The following PARP9 variants were observed in gnomAD, a reference collection of about 807,000 sequenced individuals.
The protein encoded by PARP9 is poly(ADP-ribose) polymerase family member 9, also known as protein mono-ADP-ribosyltransferase PARP9.
In PARP9, 48 loss-of-function variants were observed where a neutral mutation model predicts 68.8. The ratio of observed to expected loss-of-function variants is 0.70; its 90% CI spans 0.55 to 0.89. The LOEUF is 0.89. Among genes scored for constraint, PARP9 ranks in the 40% least tolerant of loss-of-function variants. The pLI is 0.00. For missense variants in PARP9, 806 were observed against 969.3 expected (o/e 0.83, Z 2.24); for synonymous variants, 309 against 333.8 (o/e 0.93, Z 0.81).
intron 10 of PARP9, among the ~76,000 whole-genome samples, chr3:122,531,163 T>C (rs1175042548): frequency 6.6e-6 from 1 of 152,226 alleles, no homozygotes; most frequent in Non-Finnish European, 1.5e-5. Context: ...AAGTGCTCAA[T>C]AGCCGCATGT....
intron 4 of PARP9, among the ~76,000 whole-genome samples, chr3:122,554,276 T>C (rs2079451815): frequency 6.6e-6 from 1 of 152,142 alleles, no homozygotes; most frequent in Admixed American, 6.5e-5. Flanking sequence ...AACTCATACC[T>C]TCTGAAGCAA....
chr3:122,536,541 C>A, intron 9 of PARP9, 199 bp from the exon 10 acceptor site: 1 of 1,006,572 alleles, frequency 9.9e-7, no homozygotes, highest in Non-Finnish European at 1.4e-6. Flanking sequence ...AAATTCCCTG[C>A]CCCTTCTCTA....
At chr3:122,557,364 A>G (rs2079787506) in intron 3 of PARP9, among the ~76,000 whole-genome samples, 1 of 152,210 alleles carries the variant, frequency 6.6e-6, no homozygotes, top group South Asian at 2.1e-4. Context: ...ATAATTCTTT[A>G]TGATATTCTA....
intron 10 of PARP9, chr3:122,532,281 G>A (rs888858314): frequency 4.1e-6 from 4 of 985,176 alleles, no homozygotes; most frequent in Non-Finnish European, 3.6e-6. Flanking sequence ...ACATAGAGTG[G>A]CCTGTGCAGA....
chr3:122,540,402 T>C (rs1033244571), intron 8 of PARP9, 70 bp downstream of exon 8: 4 of 1,559,794 alleles, frequency 2.6e-6, no homozygotes, highest in African/African-American at 2.7e-5. Flanking sequence ...CATCCATACA[T>C]ACACGCTCAC....
Position 122,556,141 on chromosome 3 carries a change from TAAAAAAAAA to T in PARP9, c.50-29_50-21del, listed in dbSNP as rs745677021. The T allele has an allele frequency of 5.5e-3, 1,145 of 209,800 alleles. 29 individuals carry two copies. Among genetic ancestry groups the T allele is most frequent in the East Asian group, 0.013 (180 of 13,902 alleles). The allele number at this position is 209,800 out of a possible 1,614,324, so 13.0% of individuals were successfully genotyped here. The stretch of plus-strand genomic sequence containing the variant: ...CAGTCTCTGGAAAAGAAGAGAAGAT[TAAAAAAAAA>T]AAAAAAAAAAAAAAAAAAAAAAAGC... On this transcript the variant is annotated intron_variant, in intron 3 of 10. Coordinates refer to ENST00000682323, the MANE Select transcript of PARP9 (RefSeq NM_001146105.2).
intron 10 of PARP9, among the ~76,000 whole-genome samples, chr3:122,529,182 GAGCCA>G (rs2107528923): frequency 7.0e-6 from 1 of 143,792 alleles, no homozygotes; most frequent in East Asian, 2.1e-4. Context: ...AGGTTGTAGT[GAGCCA>G]AGATCGCACC....
In PARP9 at chr3:122,540,685, A is replaced by G. The variant is rs550738887; in HGVS notation, c.1552T>C (p.Tyr518His). 5.6e-6 allele frequency: 9 copies of G among 1,614,154 alleles called. No homozygotes were observed. In the South Asian group the frequency reaches 9.9e-5, roughly 18 times the overall value. Residue 518 changes from tyrosine to histidine, a missense_variant, in exon 8 of 11, where the codon TAC becomes CAC. Physicochemically the swap from Tyr to His is moderately conservative, Grantham distance 83. Coordinates refer to ENST00000682323, the MANE Select transcript of PARP9 (RefSeq NM_001146105.2). ...HHIIENNHILYLGRKEHDILS... is the reference protein window; with the variant it reads ...HHIIENNHILHLGRKEHDILS... ...ATGTCATGTTCCTTTCTCCCAAGGT[A>G]CAGAATATGATTATTCTCAATGATG...
Position 122,556,140 on chromosome 3 carries a change from T to TAAAA in PARP9, c.50-20_50-19insTTTT. 1.1e-5 allele frequency: 1 copy of TAAAA among 92,804 alleles called. No homozygotes were observed. The highest frequency in any genetic ancestry group is 1.7e-5 in the Non-Finnish European group (1 of 57,594). The allele number at this position is 92,804 out of a possible 1,614,324, so 5.7% of individuals were successfully genotyped here. A position where few individuals can be genotyped will look rare whatever the true frequency, so the allele number is the denominator to read the frequency against. On this transcript the variant is annotated intron_variant, in intron 3 of 10. Transcript: ENST00000682323. ...CCAGTCTCTGGAAAAGAAGAGAAGA[T>TAAAA]TAAAAAAAAAAAAAAAAAAAAAAAA...
intron 3 of PARP9, among the ~76,000 whole-genome samples, chr3:122,556,808 A>T (rs1433816162): frequency 6.6e-6 from 1 of 151,976 alleles, no homozygotes; most frequent in Non-Finnish European, 1.5e-5. Context: ...CAGGAGCTGG[A>T]GTATTTATCC....
chr3:122,536,856 G>A, intron 9 of PARP9, 78 bp downstream of exon 9: 1 of 1,493,426 alleles, frequency 6.7e-7, no homozygotes, highest in Non-Finnish European at 9.1e-7. Context: ...ATCATCAGCA[G>A]GTGAGCTTTT....
chr3:122,562,160 TTTC>T (rs1184236692), intron 1 of PARP9, among the ~76,000 whole-genome samples: 1 of 50,332 alleles, frequency 2.0e-5, no homozygotes, highest in Non-Finnish European at 4.3e-5. Flanking sequence ...AATATACTCT[TTTC>T]TTTTCTTTTC....
intron 10 of PARP9, chr3:122,535,271 T>TA: frequency 1.0e-6 from 1 of 985,408 alleles, no homozygotes. Context: ...TCTCTATTTT[T>TA]ATCCCCAGTA....
At chr3:122,558,543 A>C (rs1277112136) in intron 2 of PARP9, 76 bp from the exon 3 acceptor site, 6 of 1,530,074 alleles carry the variant, frequency 3.9e-6, no homozygotes, top group African/African-American at 2.7e-5. Context: ...AATACACCCT[A>C]GTAAACACAA....
chr3:122,550,463 C>A, intron 6 of PARP9, 121 bp downstream of exon 6: 1 of 800,080 alleles, frequency 1.2e-6, no homozygotes, highest in South Asian at 1.8e-5. Context: ...TAGAACACCA[C>A]CACACTGTAC....
At chr3:122,555,145 G>T (rs2079536079) in intron 4 of PARP9, 141 bp downstream of exon 4, 2 of 876,168 alleles carry the variant, frequency 2.3e-6, no homozygotes, top group Non-Finnish European at 3.4e-6. Context: ...CTGGGTTACA[G>T]GCATGTACCA....
rs1039393340 is a variant in PARP9, at chr3:122,536,695, C to T, written c.1905+239G>A. 3.3e-5 allele frequency: 18 copies of T among 552,222 alleles called. No individual in the cohort carries two copies. The East Asian group carries it at 3.5e-4, about 11-fold the overall frequency. The allele number at this position is 552,222 out of a possible 1,614,324, so 34.2% of individuals were successfully genotyped here. A position where few individuals can be genotyped will look rare whatever the true frequency, so the allele number is the denominator to read the frequency against. On this transcript the variant is annotated intron_variant, in intron 9 of 10. Transcript: ENST00000682323. ...CCACTTCTTTTATTTTGCTCAAAGA[C>T]GGGCTTCCTGGATCTGGAATCCTTG... is the stretch of plus-strand genomic sequence containing the variant.
chr3:122,549,994 T>C (rs374853911), intron 6 of PARP9, among the ~76,000 whole-genome samples: 119 of 152,298 alleles, frequency 7.8e-4, no homozygotes, highest in South Asian at 1.7e-3. Flanking sequence ...TGCTTACCTT[T>C]AAGGAGCAGA....
intron 10 of PARP9, among the ~76,000 whole-genome samples, chr3:122,529,802 T>C: frequency 7.0e-6 from 1 of 143,838 alleles, no homozygotes; most frequent in African/African-American, 2.6e-5. Context: ...ATGCTACAAA[T>C]AGGGATATTT....
Sources: allele counts gnomAD v4.1 joint callset (sites outside exome capture counted in the v4.1 genomes callset), GRCh38; gene constraint gnomAD v4.1.1; transcripts MANE v1.5; gene names NCBI Gene and HGNC (gene_info 2026-07-23, HGNC 2026-07-21).